LRRC49: variants seen among roughly 807,000 people sequenced by gnomAD.
The protein encoded by LRRC49 is leucine rich repeat containing 49, also known as leucine-rich repeat-containing protein 49.
A neutral mutation model predicts 83.3 loss-of-function variants in LRRC49; 50 were observed. That is an observed-to-expected ratio of 0.60 (90% CI 0.48 to 0.76). The LOEUF (loss-of-function observed/expected upper bound fraction) is 0.76. LRRC49 is among the 30% of genes least tolerant of loss of function. The pLI is 0.00. For synonymous variants in LRRC49, 286 were observed against 283.3 expected, an observed-to-expected ratio of 1.01 and a Z score of -0.10; for missense variants, 704 against 809.1, an observed-to-expected ratio of 0.87 and a Z score of 1.58.
intron 14 of LRRC49, among the ~76,000 whole-genome samples, chr15:71,024,642 A>C (rs1350281513): frequency 6.6e-6 from 1 of 152,150 alleles, no homozygotes; most frequent in South Asian, 2.1e-4. Flanking sequence ...TAACTCACGA[A>C]GATGAGAAAG....
chr15:70,924,715 T>C (rs1247800032), intron 7 of LRRC49, among the ~76,000 whole-genome samples: 1 of 152,036 alleles, frequency 6.6e-6, no homozygotes, highest in Non-Finnish European at 1.5e-5. Flanking sequence ...CTGTCTATCC[T>C]TCTTCCCAAA....
Position 70,959,591 on chromosome 15 carries a change from AAGGAAGGAAGGG to A in LRRC49, c.774-4190_774-4179del, listed in dbSNP as rs2036534232. Among the ~76,000 whole-genome samples, 6 of 112,304 alleles carry A rather than the reference AAGGAAGGAAGGG, an allele frequency of 5.3e-5. 1 individual carries two copies. Among genetic ancestry groups the A allele is most frequent in the South Asian group, 6.7e-4 (2 of 2,964 alleles). 73.7% of individuals were successfully genotyped at this position (112,304 alleles called of 152,430 possible). On this transcript the variant is annotated intron_variant, in intron 8 of 15. Transcript: ENST00000260382. Reference sequence around the variant, plus strand: ...GAAGGAAGGAAGGAAGGAAGGAAGGAAGGAAGGAAGGGAGGGAAATTCCAGTCAAAATCCCAT... The same window carrying A: ...GAAGGAAGGAAGGAAGGAAGGAAGGAAGGGAAATTCCAGTCAAAATCCCAT...
chr15:70,858,858 CCTGGGTGGAGG>C, intron 1 of LRRC49: 1 of 768,156 alleles, frequency 1.3e-6, no homozygotes, highest in Non-Finnish European at 2.4e-6. Context: ...TCTGGGGTGG[CCTGGGTGGAGG>C]CTGGGTGGTG....
chr15:70,859,476 A>G (rs985379923), intron 1 of LRRC49: 46 of 701,092 alleles, frequency 6.6e-5, no homozygotes, highest in South Asian at 6.3e-4. Flanking sequence ...TACTTCCTGG[A>G]CACGGTCAGC....
intron 9 of LRRC49, among the ~76,000 whole-genome samples, chr15:70,972,172 A>G (rs1212286369): frequency 6.6e-6 from 1 of 152,124 alleles, no homozygotes; most frequent in Non-Finnish European, 1.5e-5. Context: ...CTTGTAAGGC[A>G]GGCCTGGTGG....
At chr15:70,977,626 A>G (rs377752286) in intron 9 of LRRC49, among the ~76,000 whole-genome samples, 5 of 152,172 alleles carry the variant, frequency 3.3e-5, no homozygotes, top group African/African-American at 9.7e-5. Flanking sequence ...AGCCTGGGCA[A>G]CAAGCAAGAC....
intron 5 of LRRC49, among the ~76,000 whole-genome samples, chr15:70,909,032 A>G (rs2034435683): frequency 6.6e-6 from 1 of 152,182 alleles, no homozygotes; most frequent in Non-Finnish European, 1.5e-5. Context: ...CCCTGGTGGA[A>G]TTCTGAGGGA....
intron 14 of LRRC49, among the ~76,000 whole-genome samples, chr15:71,034,549 A>T (rs921344864): frequency 2.0e-5 from 3 of 152,214 alleles, no homozygotes; most frequent in African/African-American, 7.2e-5. Context: ...ACCCAAAGGA[A>T]TATAAATCAT....
chr15:71,031,850 A>G (rs1254610821), intron 14 of LRRC49, among the ~76,000 whole-genome samples: 1 of 152,090 alleles, frequency 6.6e-6, no homozygotes, highest in East Asian at 1.9e-4. Context: ...CCCCCCACCA[A>G]GCTCGATCAT....
intron 9 of LRRC49, among the ~76,000 whole-genome samples, chr15:70,973,860 G>A (rs968921370): frequency 6.6e-6 from 1 of 152,092 alleles, no homozygotes; most frequent in African/African-American, 2.4e-5. Flanking sequence ...CCAGTGCGGT[G>A]GCTTACTCCT....
chr15:70,890,418 TATAGTC>T (rs780659735), upstream of LRRC49, among the ~76,000 whole-genome samples: 1 of 152,220 alleles, frequency 6.6e-6, no homozygotes, highest in African/African-American at 2.4e-5. Flanking sequence ...AATTTGTTCT[TATAGTC>T]ATGTAATCAT....
intron 10 of LRRC49, among the ~76,000 whole-genome samples, chr15:70,981,433 A>G (rs1182397990): frequency 6.6e-6 from 1 of 151,964 alleles, no homozygotes; most frequent in Non-Finnish European, 1.5e-5. Flanking sequence ...ACCATGGCAC[A>G]TGTATACCTA....
In LRRC49 at chr15:70,917,580, A is replaced by G. The variant is rs560785782; in HGVS notation, c.568-1470A>G. Among the ~76,000 whole-genome samples, 14 of 152,264 alleles carry G rather than the reference A, an allele frequency of 9.2e-5. No homozygotes were observed. In the South Asian group the frequency reaches 2.3e-3, roughly 25 times the overall value. On this transcript the variant is annotated intron_variant, in intron 6 of 15. Transcript: ENST00000260382. The stretch of plus-strand genomic sequence containing the variant: ...TGCTGAGAGCTGCAGAGTTGATGGG[A>G]TGACCAGTTGCAAAGAGGGGCTGCC...
At chr15:70,965,912 C>T (rs1194527306) in intron 9 of LRRC49, among the ~76,000 whole-genome samples, 2 of 151,960 alleles carry the variant, frequency 1.3e-5, no homozygotes, top group Non-Finnish European at 2.9e-5. Context: ...TTTTTAAGGA[C>T]TTTTTATAAC....
intron 11 of LRRC49, among the ~76,000 whole-genome samples, chr15:71,003,995 G>A (rs1000080846): frequency 1.3e-5 from 2 of 152,292 alleles, no homozygotes; most frequent in Middle Eastern, 3.4e-3. Context: ...GGGGCTTTGA[G>A]AGCAGAGAGC....
chr15:71,049,289 G>C, intron 15 of LRRC49, 120 bp from the exon 16 acceptor site: 2 of 652,416 alleles, frequency 3.1e-6, no homozygotes, highest in Non-Finnish European at 5.3e-6. Flanking sequence ...CTGAGGAGTA[G>C]ATGGGGGAGG....
chr15:70,855,131 A>G (rs568838374), intron 1 of LRRC49, among the ~76,000 whole-genome samples: 59 of 152,288 alleles, frequency 3.9e-4, no homozygotes, highest in African/African-American at 1.4e-3. Flanking sequence ...CAAGAGATCG[A>G]GACCATCCTG....
intron 1 of LRRC49, chr15:70,859,428 T>C: frequency 1.4e-6 from 1 of 738,948 alleles, no homozygotes; most frequent in South Asian, 1.4e-5. Context: ...CAGTCCCACA[T>C]CTCGGACATA....
chr15:70,892,001 C>T (rs553578114), upstream of LRRC49: 58 of 1,612,972 alleles, frequency 3.6e-5, no homozygotes, highest in Non-Finnish European at 4.4e-5. Flanking sequence ...GGCGGGCACC[C>T]GGTGCAGGGT....
Sources: gnomAD v4.1 joint callset for allele counts (sites outside exome capture counted in the v4.1 genomes callset) on GRCh38, gnomAD v4.1.1 for gene constraint, MANE v1.5 for transcripts, NCBI Gene and HGNC (gene_info 2026-07-23, HGNC 2026-07-21) for gene names.